Variants in RP1L1 observed in about 807,000 individuals in gnomAD.
The protein encoded by RP1L1 is RP1 like 1.
RP1L1 carries 27 observed loss-of-function variants against 15.7 expected under a neutral mutation model. The observed-to-expected ratio is 1.72, with a 90% CI of 1.27 to 2.38. The LOEUF (loss-of-function observed/expected upper bound fraction) is 2.38, where lower values mean the gene tolerates loss of function less well. Among genes scored for constraint, RP1L1 ranks in the 30% most tolerant of loss-of-function variants. The probability of loss-of-function intolerance (pLI) is 0.00; values close to 1 mark genes in which losing one functional copy is unlikely to be tolerated. For synonymous variants in RP1L1, 1,813 were observed against 1,276.7 expected (o/e 1.42, Z -8.96); for missense variants, 4,798 against 3,075.9 (o/e 1.56, Z -13.24).
At chr8:10,644,764 G>C (rs1226199889) in intron 1 of RP1L1, among the ~76,000 whole-genome samples, 1 of 152,156 alleles carries the variant, frequency 6.6e-6, no homozygotes, top group African/African-American at 2.4e-5. Context: ...GCCAGGGCTC[G>C]CCCTGCAGAG....
Position 10,609,409 on chromosome 8 carries a change from G to A in RP1L1, c.4689C>T (p.Asp1563=), listed in dbSNP as rs766740524. ...TGCTGTCCTGGAGGCGTTGGGCCAC[G>A]TCCTGCTGCAGCTCGGCCGCCATCT... ...LDQMAAELQQ[D]VAQRLQDSTK... is the part of the protein sequence containing the mutation. The change falls in exon 4 of 4, where the codon GAC becomes GAT. Residue 1563 remains aspartate, a synonymous_variant. Transcript: ENST00000382483. 3.7e-5 allele frequency: 59 copies of A among 1,612,176 alleles called. No individual in the cohort carries two copies. Among genetic ancestry groups the A allele is most frequent in the South Asian group, 3.3e-4 (30 of 91,066 alleles).
rs751004024 is a variant in RP1L1 at position 10,623,085 on chromosome 8, G to C, written c.117C>G (p.Leu39=). ...CAGCAAACCGTGGATCCCCTCGCTTGAGGAAGGTGATCTTCTTGGCTGGCG... is the reference window on the plus strand; with the variant it reads ...CAGCAAACCGTGGATCCCCTCGCTTCAGGAAGGTGATCTTCTTGGCTGGCG... The part of the protein sequence containing the change: ...KVTPAKKITF[L]KRGDPRFAGV... The change falls in exon 2 of 4, where the codon CTC becomes CTG. Residue 39 remains leucine (L), a synonymous_variant. Transcript: ENST00000382483. 470 of 1,613,908 alleles carry C rather than the reference G, an allele frequency of 2.9e-4. No individual in the cohort carries two copies. Among genetic ancestry groups the C allele is most frequent in the Non-Finnish European group, 3.9e-4 (464 of 1,180,002 alleles).
At chr8:10,613,436 C>G in intron 3 of RP1L1, 90 bp from the exon 4 acceptor site, 1 of 1,528,742 alleles carries the variant, frequency 6.5e-7, no homozygotes, top group Non-Finnish European at 8.8e-7. Flanking sequence ...AGTCACGAGC[C>G]TCCCACGACC....
chr8:10,630,850 T>G (rs1423798519), intron 1 of RP1L1, among the ~76,000 whole-genome samples: 1 of 152,228 alleles, frequency 6.6e-6, no homozygotes, highest in African/African-American at 2.4e-5. Flanking sequence ...CACGTGGTGT[T>G]AAGTCTACAA....
intron 3 of RP1L1, among the ~76,000 whole-genome samples, chr8:10,615,038 G>A (rs1797942998): frequency 6.6e-6 from 1 of 152,142 alleles, no homozygotes; most frequent in South Asian, 2.1e-4. Flanking sequence ...GCACATCTGG[G>A]CAGAAGATGG....
intron 2 of RP1L1, among the ~76,000 whole-genome samples, chr8:10,617,706 G>A (rs987861480): frequency 1.3e-5 from 2 of 151,724 alleles, no homozygotes; most frequent in African/African-American, 2.4e-5. Context: ...ACAGGTGCCC[G>A]CCACCATACT....
chr8:10,615,223 G>C (rs374946188), intron 3 of RP1L1, among the ~76,000 whole-genome samples: 1 of 152,214 alleles, frequency 6.6e-6, no homozygotes, highest in African/African-American at 2.4e-5. Context: ...GTGCTTGTTG[G>C]TGTTTCTGAG....
chr8:10,606,742 A>G lies in RP1L1; in HGVS notation c.*153T>C. Reference sequence around the variant, plus strand: ...CTTCTGGACTTAAGAGTCCCAGGACAGCATGGCATGGGCTGTGTCCTTGGC... The same window carrying G: ...CTTCTGGACTTAAGAGTCCCAGGACGGCATGGCATGGGCTGTGTCCTTGGC... On this transcript the variant is annotated 3_prime_UTR_variant, in exon 4 of 4. Coordinates refer to ENST00000382483, the MANE Select transcript of RP1L1 (RefSeq NM_178857.6). The G allele has an allele frequency of 7.7e-7, 1 of 1,297,304 alleles. No homozygotes were observed. Among genetic ancestry groups the G allele is most frequent in the Non-Finnish European group, 1.0e-6 (1 of 953,468 alleles). The allele number at this position is 1,297,304 out of a possible 1,614,324, so 80.4% of individuals were successfully genotyped here.
intron 1 of RP1L1, among the ~76,000 whole-genome samples, chr8:10,627,755 C>G (rs991170186): frequency 3.3e-5 from 5 of 152,142 alleles, no homozygotes; most frequent in African/African-American, 1.2e-4. Flanking sequence ...AATTCCTAAA[C>G]TAGTAAGAGT....
At chr8:10,640,597 G>A (rs952040492) in intron 1 of RP1L1, among the ~76,000 whole-genome samples, 1 of 151,712 alleles carries the variant, frequency 6.6e-6, no homozygotes, top group Non-Finnish European at 1.5e-5. Flanking sequence ...AGATTGCTGT[G>A]AGCCAAGATC....
In RP1L1 at chr8:10,609,352, C is replaced by T. The variant is rs754155146; in HGVS notation, c.4746G>A (p.Arg1582=). The T allele has an allele frequency of 2.1e-5, 34 of 1,612,338 alleles. No individual in the cohort carries two copies. The highest frequency in any genetic ancestry group is 3.3e-5 in the Admixed American group (2 of 59,990). The change falls in exon 4 of 4, where the codon CGG becomes CGA. Residue 1582 remains arginine (R), a synonymous_variant. Transcript: ENST00000382483. ...TKRELQKLQG[R]AGRMVLEPPR... is the part of the protein sequence containing the mutation. ...GAGGCTCCAGCACCATCCTACCCGC[C>T]CGGCCCTGGAGCTTCTGGAGCTCTC...
chr8:10,615,853 A>T (rs1289714956), intron 3 of RP1L1, among the ~76,000 whole-genome samples: 1 of 152,138 alleles, frequency 6.6e-6, no homozygotes, highest in Non-Finnish European at 1.5e-5. Context: ...TCTTAATAAA[A>T]TTTATTTTAG....
intron 1 of RP1L1, among the ~76,000 whole-genome samples, chr8:10,634,799 T>A (rs1798304538): frequency 6.6e-6 from 1 of 152,038 alleles, no homozygotes; most frequent in Non-Finnish European, 1.5e-5. Flanking sequence ...GTAGAGCAAG[T>A]CCACCTGCAG....
intron 3 of RP1L1, among the ~76,000 whole-genome samples, chr8:10,614,349 A>G (rs1352553059): frequency 6.6e-6 from 1 of 152,176 alleles, no homozygotes; most frequent in South Asian, 2.1e-4. Context: ...GCTGCTAAGG[A>G]TGCAAAGGAG....
Position 10,612,960 on chromosome 8 carries a change from C to A in RP1L1, c.1138G>T (p.Gly380Trp), listed in dbSNP as rs184332984. ...EGYPWGFSEP[G>W]VWGPRPCRVG... is the part of the protein sequence containing the mutation. ...CTGCAGGGCCGGGGTCCCCACACCC[C>A]AGGCTCTGAGAAGCCCCAAGGGTAG... is the stretch of plus-strand genomic sequence containing the variant. The change falls in exon 4 of 4, where the codon GGG (glycine) becomes TGG (tryptophan). Residue 380 changes from glycine to tryptophan, a missense_variant. Coordinates refer to ENST00000382483, the MANE Select transcript of RP1L1 (RefSeq NM_178857.6). The A allele has an allele frequency of 6.2e-7, 1 of 1,613,162 alleles. No homozygotes were observed.
intron 1 of RP1L1, among the ~76,000 whole-genome samples, chr8:10,644,506 G>A (rs949122525): frequency 6.6e-6 from 1 of 152,190 alleles, no homozygotes; most frequent in Non-Finnish European, 1.5e-5. Context: ...GAATTGTGAT[G>A]GCTGAGAATT....
intron 1 of RP1L1, among the ~76,000 whole-genome samples, chr8:10,623,540 C>A (rs936964331): frequency 5.3e-5 from 8 of 151,908 alleles, no homozygotes; most frequent in Admixed American, 4.6e-4. Context: ...CCACAATGTC[C>A]CCAGCACAAC....
chr8:10,637,828 T>G (rs1318837624), intron 1 of RP1L1, among the ~76,000 whole-genome samples: 5 of 152,094 alleles, frequency 3.3e-5, no homozygotes, highest in Non-Finnish European at 5.9e-5. Flanking sequence ...TGGATCAGCT[T>G]CAAGATCAAA....
In RP1L1 at chr8:10,610,685, T is replaced by G. The variant is rs377751190; in HGVS notation, c.3413A>C (p.Lys1138Thr). 8.3e-5 allele frequency: 134 copies of G among 1,612,102 alleles called. No individual in the cohort carries two copies. In the African/African-American group the frequency reaches 1.5e-3, roughly 18 times the overall value. ...CCGAGGGGAGTCTTTGAACCTCACTTTGCTGGCAGGAGACCCAAGGTCTTC... is the reference window on the plus strand; with the variant it reads ...CCGAGGGGAGTCTTTGAACCTCACTGTGCTGGCAGGAGACCCAAGGTCTTC... ...FEEDLGSPAS[K>T]VRFKDSPRYQ... The change falls in exon 4 of 4, where the codon AAA becomes ACA. Residue 1138 changes from lysine (K) to threonine (T), a missense_variant. By Grantham distance (78) the Lys-to-Thr change is moderately conservative. Coordinates refer to ENST00000382483, the MANE Select transcript of RP1L1 (RefSeq NM_178857.6).
Sources: allele counts gnomAD v4.1 joint callset (sites outside exome capture counted in the v4.1 genomes callset), GRCh38; gene constraint gnomAD v4.1.1; transcripts MANE v1.5; gene names NCBI Gene and HGNC (gene_info 2026-07-23, HGNC 2026-07-21).